The following DLG2 variants were observed in gnomAD, a reference collection of about 807,000 sequenced individuals.
The protein encoded by DLG2 is discs large MAGUK scaffold protein 2.
A neutral mutation model predicts 132.5 loss-of-function variants in DLG2; 45 were observed. The observed-to-expected ratio is 0.34, with a 90% confidence interval of 0.27 to 0.44. The LOEUF (loss-of-function observed/expected upper bound fraction) is 0.44, where lower values mean the gene tolerates loss of function less well. Among genes scored for constraint, DLG2 ranks in the 20% least tolerant of loss-of-function variants. DLG2 has a pLI of 1.00. For synonymous variants in DLG2, 424 were observed against 419.6 expected (o/e 1.01, Z -0.13); for missense variants, 1,045 against 1,196.9 (o/e 0.87, Z 1.87).
At chr11:84,716,003 A>G (rs2061179178) in intron 6 of DLG2, among the ~76,000 whole-genome samples, 1 of 152,080 alleles carries the variant, frequency 6.6e-6, no homozygotes, top group African/African-American at 2.4e-5. Flanking sequence ...TTCCATAATT[A>G]TCACACTAAT....
At chr11:83,520,695 G>GTAAATAGA (rs1555151888) in intron 21 of DLG2, among the ~76,000 whole-genome samples, 2 of 149,034 alleles carry the variant, frequency 1.3e-5, no homozygotes, top group Admixed American at 1.4e-4. Flanking sequence ...AAGTAGGTAG[G>GTAAATAGA]TAGATAGATA....
intron 14 of DLG2, among the ~76,000 whole-genome samples, chr11:83,943,472 C>T (rs1238423915): frequency 1.3e-5 from 2 of 152,156 alleles, no homozygotes; most frequent in Non-Finnish European, 2.9e-5. Flanking sequence ...TACTAACTAA[C>T]ATGGCATTAT....
intron 6 of DLG2, among the ~76,000 whole-genome samples, chr11:84,679,006 T>C (rs2099722024): frequency 6.6e-6 from 1 of 152,084 alleles, no homozygotes; most frequent in Non-Finnish European, 1.5e-5. Flanking sequence ...AAGTAACATT[T>C]ATTCTCATAG....
chr11:84,486,338 A>G (rs1371340151), intron 7 of DLG2, among the ~76,000 whole-genome samples: 1 of 152,154 alleles, frequency 6.6e-6, no homozygotes, highest in Non-Finnish European at 1.5e-5. Context: ...AGAGTGGGTT[A>G]GGTTTTGGTT....
intron 6 of DLG2, among the ~76,000 whole-genome samples, chr11:84,697,579 C>T (rs2058745922): frequency 6.6e-6 from 1 of 151,542 alleles, no homozygotes; most frequent in Non-Finnish European, 1.5e-5. Context: ...TGCTTACACA[C>T]TGAGCCACGA....
chr11:84,116,524 C>T (rs763384933), intron 9 of DLG2, among the ~76,000 whole-genome samples: 1 of 152,102 alleles, frequency 6.6e-6, no homozygotes, highest in Non-Finnish European at 1.5e-5. Context: ...AGGGGAACTG[C>T]CCTTTTATAA....
intron 15 of DLG2, among the ~76,000 whole-genome samples, chr11:83,918,535 G>A (rs751215019): frequency 1.3e-5 from 2 of 152,150 alleles, no homozygotes; most frequent in Non-Finnish European, 2.9e-5. Context: ...CAACAGAAAC[G>A]TCCATGTTTG....
intron 6 of DLG2, among the ~76,000 whole-genome samples, chr11:84,635,582 A>G (rs1434900762): frequency 1.3e-5 from 2 of 152,132 alleles, no homozygotes; most frequent in Non-Finnish European, 2.9e-5. Context: ...CTTTCCATTC[A>G]GCTATGCATT....
At chr11:83,556,476 G>A (rs924074241) in intron 19 of DLG2, among the ~76,000 whole-genome samples, 6 of 151,750 alleles carry the variant, frequency 4.0e-5, no homozygotes, top group African/African-American at 1.2e-4. Flanking sequence ...GGGTTCAAGT[G>A]ATCCTCCCAT....
At chr11:83,477,986 T>C (rs1457682421) in intron 22 of DLG2, among the ~76,000 whole-genome samples, 1 of 152,078 alleles carries the variant, frequency 6.6e-6, no homozygotes, top group Non-Finnish European at 1.5e-5. Flanking sequence ...TCTCTGAAAC[T>C]ACCTCTTATG....
Position 85,623,468 on chromosome 11 carries a change from C to G in DLG2, c.-93+3119G>C, listed in dbSNP as rs531637523. ...TACAGGCACGCACCACTATGCCCAG[C>G]TAATTTTTGTATTTTTAGTAGAGAT... On this transcript the variant is annotated intron_variant, in intron 2 of 27. Coordinates refer to ENST00000376104, the MANE Select transcript of DLG2 (RefSeq NM_001142699.3). 1.3e-4 allele frequency among the ~76,000 whole-genome samples: 20 copies of G among 152,214 alleles called. No individual in the cohort carries two copies. In the East Asian group the frequency reaches 3.1e-3, roughly 24 times the overall value.
At chr11:84,547,120 G>A (rs899409488) in intron 6 of DLG2, among the ~76,000 whole-genome samples, 1 of 152,104 alleles carries the variant, frequency 6.6e-6, no homozygotes, top group Middle Eastern at 3.2e-3. Context: ...AAAGCCAAGT[G>A]AGATGATGCA....
chr11:85,518,650 C>A (rs958644818), intron 3 of DLG2, among the ~76,000 whole-genome samples: 14 of 152,150 alleles, frequency 9.2e-5, no homozygotes, highest in African/African-American at 3.4e-4. Context: ...AAGCTGACTG[C>A]AGAAATTTGC....
chr11:85,004,491 T>C (rs953753380), intron 6 of DLG2, among the ~76,000 whole-genome samples: 1 of 152,202 alleles, frequency 6.6e-6, no homozygotes, highest in Non-Finnish European at 1.5e-5. Flanking sequence ...CTTTTTTTCG[T>C]ATGTTTGTTG....
chr11:84,521,239 C>T (rs918659813), intron 7 of DLG2, among the ~76,000 whole-genome samples: 5 of 152,132 alleles, frequency 3.3e-5, no homozygotes, highest in African/African-American at 1.2e-4. Flanking sequence ...TTGGCATAAA[C>T]AAATAATAAC....
At chr11:85,356,623 C>T (rs1209253019) in intron 3 of DLG2, among the ~76,000 whole-genome samples, 1 of 152,172 alleles carries the variant, frequency 6.6e-6, no homozygotes, top group Non-Finnish European at 1.5e-5. Context: ...TGAGCATGTA[C>T]TAGTCCATTG....
At chr11:84,595,281 T>C (rs1352518416) in intron 6 of DLG2, among the ~76,000 whole-genome samples, 1 of 152,074 alleles carries the variant, frequency 6.6e-6, no homozygotes, top group Non-Finnish European at 1.5e-5. Flanking sequence ...ATTTTTGTAT[T>C]ATTTTGAGAT....
At chr11:85,480,220 C>T (rs1247523683) in intron 3 of DLG2, among the ~76,000 whole-genome samples, 1 of 152,210 alleles carries the variant, frequency 6.6e-6, no homozygotes. Flanking sequence ...TGAAGATAGA[C>T]ATTGTAATCC....
chr11:84,059,908 T>C (rs757228604), intron 10 of DLG2, among the ~76,000 whole-genome samples: 9 of 152,192 alleles, frequency 5.9e-5, no homozygotes, highest in Non-Finnish European at 8.8e-5. Context: ...TACAGACTAA[T>C]TTTCTCAAAT....
Sources: allele counts gnomAD v4.1 joint callset (sites outside exome capture counted in the v4.1 genomes callset), GRCh38; gene constraint gnomAD v4.1.1; transcripts MANE v1.5; gene names NCBI Gene and HGNC (gene_info 2026-07-23, HGNC 2026-07-21).